The following BBX variants were observed in gnomAD, a reference collection of about 807,000 sequenced individuals.
The protein encoded by BBX is BBX high mobility group box domain containing.
Under a neutral mutation model 100.2 loss-of-function variants are expected in BBX, and 30 were observed. The observed-to-expected ratio is 0.30, with a 90% CI of 0.22 to 0.41. BBX has a LOEUF of 0.41. Among genes scored for constraint, BBX ranks in the 10% least tolerant of loss-of-function variants. BBX has a pLI of 1.00. For missense variants in BBX, 1,023 were observed against 1,129.8 expected (o/e 0.91, Z 1.35); for synonymous variants, 376 against 388.1 (o/e 0.97, Z 0.37).
chr3:107,703,775 A>G (rs974092166), intron 3 of BBX, among the ~76,000 whole-genome samples: 2 of 152,256 alleles, frequency 1.3e-5, no homozygotes, highest in Admixed American at 1.3e-4. Flanking sequence ...CATTAGAATT[A>G]CAAGAAATAA....
At chr3:107,749,089 C>G (rs2064857000) in intron 9 of BBX, among the ~76,000 whole-genome samples, 1 of 151,960 alleles carries the variant, frequency 6.6e-6, no homozygotes, top group African/African-American at 2.4e-5. Context: ...TTAGGCTTCC[C>G]TGCCATAGTA....
intron 3 of BBX, among the ~76,000 whole-genome samples, chr3:107,689,117 G>A (rs143113718): frequency 1.4e-4 from 22 of 151,944 alleles, no homozygotes; most frequent in Admixed American, 1.3e-4. Context: ...TCAAATTTTC[G>A]CCTAAACTTT....
Position 107,772,801 on chromosome 3 carries a change from T to A in BBX, c.1080T>A (p.Ala360=), listed in dbSNP as rs745573442. The A allele has an allele frequency of 4.6e-5, 74 of 1,613,358 alleles. No individual in the cohort carries two copies. The highest frequency in any genetic ancestry group is 6.0e-5 in the Non-Finnish European group (71 of 1,179,868). The change falls in exon 11 of 18, where the codon GCT becomes GCA. Residue 360 remains alanine, a synonymous_variant. Transcript: ENST00000325805. ...LQKEAEFEKS[A]KENLRDSKEL... is the part of the protein sequence containing the mutation. Reference sequence around the variant, plus strand: ...AGGAAGCAGAATTTGAAAAATCGGCTAAGGAAAATTTAAGAGATTCTAAGG... The same window carrying A: ...AGGAAGCAGAATTTGAAAAATCGGCAAAGGAAAATTTAAGAGATTCTAAGG...
In BBX at chr3:107,773,092, C is replaced by A. The variant is rs755722203; in HGVS notation, c.1371C>A (p.Ser457Arg). The change falls in exon 11 of 18, where the codon AGC becomes AGA. Residue 457 changes from serine to arginine, a missense_variant. Ser to Arg is a moderately radical substitution (Grantham distance 110). Transcript: ENST00000325805. This position sits in a 1 kb window ranked among gnomAD's most constrained non-coding sequence, Gnocchi z 4.1. ...AGCTAAAAAAGAAAAAGAAGAAAAG[C>A]AAAATGGATCGACATGGAAATGATA... ...PEKLKKKKKK[S>R]KMDRHGNDKS... The A allele has an allele frequency of 6.2e-7, 1 of 1,613,040 alleles. No homozygotes were observed. The highest frequency in any genetic ancestry group is 1.7e-5 in the Admixed American group (1 of 59,748).
At chr3:107,567,165 C>G (rs1310547125) in intron 2 of BBX, among the ~76,000 whole-genome samples, 1 of 152,022 alleles carries the variant, frequency 6.6e-6, no homozygotes, top group Non-Finnish European at 1.5e-5. Flanking sequence ...TTTGTTAATA[C>G]TTTCTTTGTT....
chr3:107,593,689 T>C (rs1284693173), intron 2 of BBX, among the ~76,000 whole-genome samples: 1 of 152,184 alleles, frequency 6.6e-6, no homozygotes, highest in African/African-American at 2.4e-5. Context: ...TGGGAATACA[T>C]AGGATGCAAC....
At chr3:107,701,210 C>G (rs1006012426) in intron 3 of BBX, among the ~76,000 whole-genome samples, 4 of 151,996 alleles carry the variant, frequency 2.6e-5, no homozygotes, top group African/African-American at 9.7e-5. Flanking sequence ...AGCATTTTTT[C>G]ATGTGTTTTC....
At chr3:107,777,708 T>C (rs2067439491) in intron 12 of BBX, among the ~76,000 whole-genome samples, 1 of 152,174 alleles carries the variant, frequency 6.6e-6, no homozygotes. Flanking sequence ...AGTTAAAGCA[T>C]GTTGCCTCTG....
At chr3:107,530,748 A>C (rs496826) in intron 2 of BBX, among the ~76,000 whole-genome samples, 15,790 of 152,300 alleles carry the variant, frequency 0.1, 927 homozygotes, top group Non-Finnish European at 0.12. Context: ...AATACCTTTA[A>C]CATCCCAATC....
chr3:107,632,228 C>T (rs2056593043), intron 2 of BBX, among the ~76,000 whole-genome samples: 1 of 151,972 alleles, frequency 6.6e-6, no homozygotes, highest in Non-Finnish European at 1.5e-5. Context: ...CAGGCATGCA[C>T]CACCATGCCC....
intron 2 of BBX, among the ~76,000 whole-genome samples, chr3:107,642,330 T>C (rs1324682805): frequency 6.6e-6 from 1 of 152,164 alleles, no homozygotes; most frequent in Non-Finnish European, 1.5e-5. Flanking sequence ...ATGTAGTATA[T>C]AAAATAATGA....
At chr3:107,713,084 T>C (rs1048482948) in intron 4 of BBX, among the ~76,000 whole-genome samples, 1 of 152,206 alleles carries the variant, frequency 6.6e-6, no homozygotes, top group African/African-American at 2.4e-5. Context: ...GGCTGATTTC[T>C]CTCATTTGAG....
chr3:107,628,565 G>A (rs990757094), intron 2 of BBX, among the ~76,000 whole-genome samples: 4 of 151,564 alleles, frequency 2.6e-5, no homozygotes, highest in African/African-American at 9.7e-5. Context: ...TTTTTTTAAG[G>A]ATTCATTGAG....
intron 3 of BBX, among the ~76,000 whole-genome samples, chr3:107,676,495 G>T (rs932297892): frequency 6.6e-6 from 1 of 152,156 alleles, no homozygotes; most frequent in East Asian, 1.9e-4. Flanking sequence ...TTTAGAACAA[G>T]TGAGTTTGTT....
intron 13 of BBX, among the ~76,000 whole-genome samples, chr3:107,787,474 T>C (rs763166930): frequency 6.6e-6 from 1 of 152,032 alleles, no homozygotes; most frequent in Non-Finnish European, 1.5e-5. Context: ...AGATTAGAGG[T>C]TGCTTAGGGA....
intron 15 of BBX, 143 bp from the exon 16 acceptor site, chr3:107,798,380 C>A (rs2069985623): frequency 4.0e-6 from 3 of 747,188 alleles, no homozygotes; most frequent in Non-Finnish European, 4.4e-6. Flanking sequence ...CGTTTTATTT[C>A]ATTTTTTCCA....
At chr3:107,631,132 T>C in intron 2 of BBX, among the ~76,000 whole-genome samples, 1 of 152,222 alleles carries the variant, frequency 6.6e-6, no homozygotes, top group East Asian at 1.9e-4. Context: ...ACAAACTGTT[T>C]AGCTTGCTGC....
intron 2 of BBX, among the ~76,000 whole-genome samples, chr3:107,633,929 T>C (rs1452743648): frequency 6.6e-6 from 1 of 152,218 alleles, no homozygotes; most frequent in East Asian, 1.9e-4. Flanking sequence ...CTCTCCATAG[T>C]CCTTATGTTC....
At chr3:107,754,176 A>G (rs970438514) in intron 9 of BBX, among the ~76,000 whole-genome samples, 7 of 152,178 alleles carry the variant, frequency 4.6e-5, no homozygotes, top group African/African-American at 1.7e-4. Context: ...TCTTTCTATT[A>G]TAGAGCGTTG....
Sources: allele counts gnomAD v4.1 joint callset (sites outside exome capture counted in the v4.1 genomes callset), GRCh38; gene constraint gnomAD v4.1.1; non-coding constraint Gnocchi (gnomAD v3.1); transcripts MANE v1.5; gene names NCBI Gene and HGNC (gene_info 2026-07-23, HGNC 2026-07-21).